The following AGAP1 variants were observed in gnomAD, a reference collection of about 807,000 sequenced individuals.
AGAP1 encodes the protein ArfGAP with GTPase domain, ankyrin repeat and PH domain 1.
AGAP1 carries 29 observed loss-of-function variants against 105.3 expected under a neutral mutation model. That is an observed-to-expected ratio of 0.28 (90% CI 0.21 to 0.38). The LOEUF is 0.38. AGAP1 is among the 10% of genes least tolerant of loss of function. The pLI is 1.00. For synonymous variants in AGAP1, 509 were observed against 485.9 expected, an observed-to-expected ratio of 1.05 and a Z score of -0.63; for missense variants, 998 against 1,165.1, an observed-to-expected ratio of 0.86 and a Z score of 2.09.
intron 1 of AGAP1, among the ~76,000 whole-genome samples, chr2:235,674,811 C>A (rs939321126): frequency 2.0e-5 from 3 of 151,662 alleles, no homozygotes; most frequent in East Asian, 3.9e-4. Context: ...CCCTCAGCCT[C>A]CCCAGTAGCT....
In AGAP1 at chr2:235,633,966, A is replaced by T. The variant is rs1034020306; in HGVS notation, c.164-75213A>T. Among the ~76,000 whole-genome samples, 8 of 152,126 alleles carry T rather than the reference A, an allele frequency of 5.3e-5. No individual in the cohort carries two copies. The highest frequency in any genetic ancestry group is 1.9e-4 in the African/African-American group (8 of 41,416). ...AGGGTGGCCTTTACTTTGGGGTATC[A>T]GTTTTCCGAGCCCCAGCAAGCCCCT... is the stretch of plus-strand genomic sequence containing the variant. On this transcript the variant is annotated intron_variant, in intron 1 of 17. Coordinates refer to ENST00000304032, the MANE Select transcript of AGAP1 (RefSeq NM_001037131.3). The surrounding 1 kb of genome is among the most constrained non-coding windows in gnomAD (Gnocchi z 4.8).
chr2:235,573,459 C>T (rs977026145), intron 1 of AGAP1, among the ~76,000 whole-genome samples: 1 of 152,084 alleles, frequency 6.6e-6, no homozygotes, highest in African/African-American at 2.4e-5. Flanking sequence ...TTGAGACTTA[C>T]CAAAACATTC....
Position 235,855,343 on chromosome 2 carries a change from G to A in AGAP1, c.1051-28002G>A, listed in dbSNP as rs1459477970. 6.6e-6 allele frequency among the ~76,000 whole-genome samples: 1 copy of A among 152,206 alleles called. No homozygotes were observed. Among genetic ancestry groups the A allele is most frequent in the Non-Finnish European group, 1.5e-5 (1 of 68,028 alleles). ...ACAGGCATGTCAAAATTAATCATCA[G>A]TAGATTTATTCAAAGCTAAAAGTCA... On this transcript the variant is annotated intron_variant, in intron 9 of 17. Transcript: ENST00000304032. This position sits in a 1 kb window ranked among gnomAD's most constrained non-coding sequence, Gnocchi z 5.0.
At chr2:236,098,390 A>G (rs1411780363) in intron 16 of AGAP1, among the ~76,000 whole-genome samples, 2 of 152,002 alleles carry the variant, frequency 1.3e-5, no homozygotes, top group East Asian at 2.0e-4. Flanking sequence ...GAGCAACATG[A>G]TGAAACTTCA....
intron 6 of AGAP1, among the ~76,000 whole-genome samples, chr2:235,784,200 A>G (rs1956464293): frequency 6.6e-6 from 1 of 152,134 alleles, no homozygotes; most frequent in South Asian, 2.1e-4. Context: ...ATGGGTCCAG[A>G]TAAACCTAAT....
intron 13 of AGAP1, among the ~76,000 whole-genome samples, chr2:235,975,907 TATTA>T (rs2125383319): frequency 6.6e-6 from 1 of 152,310 alleles, no homozygotes; most frequent in Admixed American, 6.5e-5. Context: ...AATAAGGACT[TATTA>T]ATTAAACTTC....
In AGAP1 at chr2:235,843,884, G is replaced by C. The variant is rs1961155833; in HGVS notation, c.1050+36553G>C. ...AGAATCTTCTTCCAGGCAGCCTCCT[G>C]GGCCGCCAGTGGTGTGGAGCTGGCC... is the stretch of plus-strand genomic sequence containing the variant. On this transcript the variant is annotated intron_variant, in intron 9 of 17. Transcript: ENST00000304032. The surrounding 1 kb of genome is among the most constrained non-coding windows in gnomAD (Gnocchi z 5.9). Among the ~76,000 whole-genome samples, 1 of 152,308 alleles carries C rather than the reference G, an allele frequency of 6.6e-6. No homozygotes were observed. The highest frequency in any genetic ancestry group is 2.4e-5 in the African/African-American group (1 of 41,572).
chr2:235,776,719 C>A (rs1955894015), intron 6 of AGAP1, among the ~76,000 whole-genome samples: 1 of 152,128 alleles, frequency 6.6e-6, no homozygotes, highest in Non-Finnish European at 1.5e-5. Context: ...GAGCGGAGGG[C>A]CCTCCCCCTT....
rs147857797 is a variant in AGAP1 at position 236,066,382 on chromosome 2, C to T, written c.2114+17101C>T. On this transcript the variant is annotated intron_variant, in intron 16 of 17. Coordinates refer to ENST00000304032, the MANE Select transcript of AGAP1 (RefSeq NM_001037131.3). ...TTGGGACTACAGACACCTGCCACCA[C>T]GCCCAGTTCATTTTCGTATTTTTAG... Among the ~76,000 whole-genome samples, 310 of 152,252 alleles carry T rather than the reference C, an allele frequency of 2.0e-3. 1 individual carries two copies. The highest frequency in any genetic ancestry group is 6.9e-3 in the African/African-American group (288 of 41,568).
chr2:235,801,935 C>T lies in AGAP1; in HGVS notation c.957+2413C>T, dbSNP rs898004888. Among the ~76,000 whole-genome samples, 1 of 152,108 alleles carries T rather than the reference C, an allele frequency of 6.6e-6. No homozygotes were observed. Among genetic ancestry groups the T allele is most frequent in the East Asian group, 1.9e-4 (1 of 5,188 alleles). ...ACTATTTATAAGGAGAATACCAGCA[C>T]CTTCCCATCCCCTCCCTTTATAAGC... On this transcript the variant is annotated intron_variant, in intron 8 of 17. Coordinates refer to ENST00000304032, the MANE Select transcript of AGAP1 (RefSeq NM_001037131.3). This position sits in a 1 kb window ranked among gnomAD's most constrained non-coding sequence, Gnocchi z 6.0.
Position 235,900,919 on chromosome 2 carries a change from CAA to C in AGAP1, c.1156-7817_1156-7816del, listed in dbSNP as rs2051035511. Among the ~76,000 whole-genome samples the C allele has an allele frequency of 6.6e-6, 1 of 152,190 alleles. No homozygotes were observed. Among genetic ancestry groups the C allele is most frequent in the African/African-American group, 2.4e-5 (1 of 41,452 alleles). ...GAATGCTTTTGGCTGTCTTGGGAAA[CAA>C]AGTTATTTCTCATGGGATTTTTCCC... On this transcript the variant is annotated intron_variant, in intron 10 of 17. Transcript: ENST00000304032. This position sits in a 1 kb window ranked among gnomAD's most constrained non-coding sequence, Gnocchi z 5.5.
chr2:235,683,198 T>TC (rs150529914), intron 1 of AGAP1, among the ~76,000 whole-genome samples: 7,608 of 151,972 alleles, frequency 0.05, 575 homozygotes, highest in African/African-American at 0.17. Flanking sequence ...TCCCAGCTAC[T>TC]GGGGGGCTGA....
At chr2:235,509,959 C>A (rs753081357) in intron 1 of AGAP1, among the ~76,000 whole-genome samples, 1 of 151,974 alleles carries the variant, frequency 6.6e-6, no homozygotes, top group East Asian at 1.9e-4. Flanking sequence ...TTCTCATAAG[C>A]GCACAAACCC....
At chr2:235,773,986 AG>A in intron 6 of AGAP1, 1 of 470,692 alleles carries the variant, frequency 2.1e-6, no homozygotes, top group Non-Finnish European at 4.4e-6. Context: ...TCCCCCTCTA[AG>A]ATTTTTAACA....
At chr2:235,921,809 A>G (rs2052194801) in intron 11 of AGAP1, among the ~76,000 whole-genome samples, 1 of 152,274 alleles carries the variant, frequency 6.6e-6, no homozygotes, top group Non-Finnish European at 1.5e-5. Context: ...CCTACATCTT[A>G]TAAGATACTG....
rs192536659 is a variant in AGAP1, at chr2:235,915,403, A to G, written c.1324+6497A>G. Among the ~76,000 whole-genome samples, 317 of 152,322 alleles carry G rather than the reference A, an allele frequency of 2.1e-3. 1 individual carries two copies. Among genetic ancestry groups the G allele is most frequent in the Middle Eastern group, 0.014 (4 of 294 alleles). Reference sequence around the variant, plus strand: ...AGAGAGCACGTGTTTGGCCCAGCGCAGTGGCTCATGCCTGTAATCCCAGCA... The same window carrying G: ...AGAGAGCACGTGTTTGGCCCAGCGCGGTGGCTCATGCCTGTAATCCCAGCA... On this transcript the variant is annotated intron_variant, in intron 11 of 17. Transcript: ENST00000304032.
chr2:235,958,053 T>G lies in AGAP1; in HGVS notation c.1484-10409T>G, dbSNP rs11693921. 0.057 allele frequency among the ~76,000 whole-genome samples: 8,743 copies of G among 152,290 alleles called. 861 individuals carry two copies. Among genetic ancestry groups the G allele is most frequent in the African/African-American group, 0.2 (8,281 of 41,540 alleles). On this transcript the variant is annotated intron_variant, in intron 12 of 17. Coordinates refer to ENST00000304032, the MANE Select transcript of AGAP1 (RefSeq NM_001037131.3). This position sits in a 1 kb window ranked among gnomAD's most constrained non-coding sequence, Gnocchi z 4.1. ...TTTTCCTCTCTCTTTTCTTTTGTCT[T>G]TCTTTTCCTTTTTTTCCATATAGAT...
intron 16 of AGAP1, among the ~76,000 whole-genome samples, chr2:236,064,272 A>G (rs181820927): frequency 2.2e-4 from 33 of 152,286 alleles, no homozygotes; most frequent in African/African-American, 7.9e-4. Context: ...TTTCAGCCTC[A>G]AATGCTAAAG....
rs528399943 is a variant in AGAP1 at position 235,903,259 on chromosome 2, G to A, written c.1156-5479G>A. Among the ~76,000 whole-genome samples the A allele has an allele frequency of 3.0e-3, 464 of 152,230 alleles. 2 individuals are homozygous for A. Among genetic ancestry groups the A allele is most frequent in the African/African-American group, 0.011 (449 of 41,526 alleles). On this transcript the variant is annotated intron_variant, in intron 10 of 17. Transcript: ENST00000304032. ...TTATTTTTTTCCATCATTTAACTATGTAAATTTAAAGTCTTAATACTTTTT... is the reference window on the plus strand; with the variant it reads ...TTATTTTTTTCCATCATTTAACTATATAAATTTAAAGTCTTAATACTTTTT...
Sources: gnomAD v4.1 joint callset for allele counts (sites outside exome capture counted in the v4.1 genomes callset) on GRCh38, gnomAD v4.1.1 for gene constraint, Gnocchi (gnomAD v3.1) non-coding constraint, MANE v1.5 for transcripts, NCBI Gene and HGNC (gene_info 2026-07-23, HGNC 2026-07-21) for gene names.